Variants in THRB observed in about 807,000 individuals in gnomAD.
THRB encodes nuclear receptor subfamily 1 group A member 2.
Under a neutral mutation model 47.8 loss-of-function variants are expected in THRB, and 12 were observed. The observed-to-expected ratio is 0.25, with a 90% CI of 0.16 to 0.41. The LOEUF is 0.41. THRB is among the 10% of genes least tolerant of loss of function. THRB has a pLI of 1.00. For missense variants in THRB, 348 were observed against 589.2 expected (o/e 0.59, Z 4.24); for synonymous variants, 218 against 212.2 (o/e 1.03, Z -0.24).
At chr3:24,277,741 A>C (rs2054084849) in intron 3 of THRB, among the ~76,000 whole-genome samples, 1 of 152,174 alleles carries the variant, frequency 6.6e-6, no homozygotes, top group Admixed American at 6.5e-5. Flanking sequence ...AGTTACCCCA[A>C]ATTTCAGCTG....
At chr3:24,317,349 T>C (rs2058187736) in intron 2 of THRB, among the ~76,000 whole-genome samples, 1 of 152,070 alleles carries the variant, frequency 6.6e-6, no homozygotes, top group Non-Finnish European at 1.5e-5. Flanking sequence ...TACCTGAGTG[T>C]TTGTTAAATA....
At chr3:24,458,819 T>G (rs531208019) in intron 1 of THRB, 1 of 152,254 alleles carries the variant, frequency 6.6e-6, no homozygotes, top group South Asian at 2.1e-4. Flanking sequence ...TAGCTAAAGC[T>G]TCAGATGTCC....
At chr3:24,491,652 C>A (rs1698157529) in intron 1 of THRB, among the ~76,000 whole-genome samples, 2 of 152,150 alleles carry the variant, frequency 1.3e-5, no homozygotes, top group Non-Finnish European at 2.9e-5. Flanking sequence ...CTTTTGCAGC[C>A]CAAATTGTAC....
chr3:24,447,544 G>A (rs1262605116), intron 1 of THRB, among the ~76,000 whole-genome samples: 1 of 152,104 alleles, frequency 6.6e-6, no homozygotes, highest in African/African-American at 2.4e-5. Context: ...TTTTCATGAT[G>A]ACACAGGGAT....
At chr3:24,325,841 A>G (rs2058770653) in intron 2 of THRB, among the ~76,000 whole-genome samples, 2 of 152,214 alleles carry the variant, frequency 1.3e-5, no homozygotes. Flanking sequence ...CATGTAATAA[A>G]TCATAATATA....
chr3:24,341,768 G>A (rs1218756249), intron 1 of THRB, among the ~76,000 whole-genome samples: 3 of 152,122 alleles, frequency 2.0e-5, no homozygotes, highest in Admixed American at 6.5e-5. Flanking sequence ...CTACATTTAA[G>A]TATTTTCTCT....
chr3:24,124,227 C>T (rs2032272856), intron 10 of THRB, among the ~76,000 whole-genome samples: 2 of 152,200 alleles, frequency 1.3e-5, no homozygotes, highest in African/African-American at 2.4e-5. Context: ...TCTAAACAAA[C>T]TAACAAACCA....
chr3:24,427,000 C>CA (rs1560159105), intron 1 of THRB, among the ~76,000 whole-genome samples: 1 of 151,870 alleles, frequency 6.6e-6, no homozygotes, highest in Non-Finnish European at 1.5e-5. Flanking sequence ...CGATGCTTGC[C>CA]AAAAACCCCT....
chr3:24,398,139 T>C (rs2067113618), intron 1 of THRB, among the ~76,000 whole-genome samples: 1 of 152,080 alleles, frequency 6.6e-6, no homozygotes, highest in African/African-American at 2.4e-5. Flanking sequence ...TAACTCTCAT[T>C]TTTTAAAAAA....
chr3:24,283,481 T>A (rs1187938142), intron 3 of THRB, among the ~76,000 whole-genome samples: 1 of 151,600 alleles, frequency 6.6e-6, no homozygotes, highest in Non-Finnish European at 1.5e-5. Flanking sequence ...AATATCATAC[T>A]GAATGGGCAA....
chr3:24,196,273 T>C (rs978796081), intron 4 of THRB, among the ~76,000 whole-genome samples: 4 of 152,124 alleles, frequency 2.6e-5, no homozygotes, highest in Non-Finnish European at 4.4e-5. Flanking sequence ...CAGAAGCCAT[T>C]TGAAGGAATG....
intron 5 of THRB, among the ~76,000 whole-genome samples, chr3:24,188,859 A>ATATATATATATATATATATATAT (rs2042960332): frequency 3.4e-5 from 2 of 59,586 alleles, no homozygotes; most frequent in African/African-American, 2.0e-4. Flanking sequence ...ATCTCCTCAA[A>ATATATATATATATATATATATAT]TATATATATA....
At chr3:24,494,418 T>G (rs1412965798) in intron 1 of THRB, 2 of 152,352 alleles carry the variant, frequency 1.3e-5, no homozygotes, top group African/African-American at 2.4e-5. Context: ...GCTCCCAGCC[T>G]GCCGCCGCGC....
chr3:24,462,249 C>T (rs542779678), intron 1 of THRB, among the ~76,000 whole-genome samples: 1 of 152,148 alleles, frequency 6.6e-6, no homozygotes, highest in Non-Finnish European at 1.5e-5. Context: ...GACACAGGCA[C>T]CTTTAAGGGA....
intron 1 of THRB, among the ~76,000 whole-genome samples, chr3:24,429,813 C>T (rs1234857466): frequency 6.6e-6 from 1 of 152,006 alleles, no homozygotes; most frequent in Non-Finnish European, 1.5e-5. Flanking sequence ...TGTGCCCGGA[C>T]TCAGATGAAA....
intron 1 of THRB, among the ~76,000 whole-genome samples, chr3:24,454,695 C>A (rs892644676): frequency 6.6e-6 from 1 of 152,126 alleles, no homozygotes; most frequent in Non-Finnish European, 1.5e-5. Context: ...TAATCTCTCT[C>A]TCTTCTCATA....
chr3:24,482,684 G>A (rs771962932), intron 1 of THRB, among the ~76,000 whole-genome samples: 2 of 151,878 alleles, frequency 1.3e-5, no homozygotes, highest in Non-Finnish European at 2.9e-5. Flanking sequence ...TCCGTGACAG[G>A]GCATTAAAAT....
At chr3:24,258,022 A>C (rs905531852) in intron 3 of THRB, among the ~76,000 whole-genome samples, 3 of 152,228 alleles carry the variant, frequency 2.0e-5, no homozygotes, top group Non-Finnish European at 4.4e-5. Context: ...TTCTGAGATC[A>C]AATTGGTGAC....
intron 4 of THRB, among the ~76,000 whole-genome samples, chr3:24,215,296 C>G (rs1263173728): frequency 2.6e-5 from 4 of 152,224 alleles, no homozygotes; most frequent in Non-Finnish European, 5.9e-5. Flanking sequence ...CACCACAACT[C>G]TAGGATGCTA....
Sources: gnomAD v4.1 joint callset for allele counts (sites outside exome capture counted in the v4.1 genomes callset) on GRCh38, gnomAD v4.1.1 for gene constraint, MANE v1.5 for transcripts, NCBI Gene and HGNC (gene_info 2026-07-23, HGNC 2026-07-21) for gene names.